RAPGEF4: variants seen among roughly 807,000 people sequenced by gnomAD.
RAPGEF4 encodes RAP guanine-nucleotide-exchange factor (GEF) 4.
RAPGEF4 carries 66 observed loss-of-function variants against 147.9 expected under a neutral mutation model. That is an observed-to-expected ratio of 0.45 (90% CI 0.37 to 0.55). The LOEUF is 0.55. Among genes scored for constraint, RAPGEF4 ranks in the 20% least tolerant of loss-of-function variants. The probability of loss-of-function intolerance (pLI) is 0.00; values close to 1 mark genes in which losing one functional copy is unlikely to be tolerated. For missense variants in RAPGEF4, 1,071 were observed against 1,257.3 expected (o/e 0.85, Z 2.24); for synonymous variants, 419 against 442.7 (o/e 0.95, Z 0.67).
At chr2:172,868,350 G>C (rs1372030523) in intron 4 of RAPGEF4, among the ~76,000 whole-genome samples, 1 of 152,184 alleles carries the variant, frequency 6.6e-6, no homozygotes, top group Non-Finnish European at 1.5e-5. Context: ...ACATCCTAAT[G>C]CTTCTGGAAA....
chr2:172,956,821 C>T (rs1019810161), intron 6 of RAPGEF4, among the ~76,000 whole-genome samples: 2 of 152,190 alleles, frequency 1.3e-5, no homozygotes, highest in African/African-American at 4.8e-5. Context: ...ATGCAGGGTG[C>T]TCATATGTAA....
chr2:172,928,182 C>T (rs1322736783), intron 6 of RAPGEF4: 1 of 455,380 alleles, frequency 2.2e-6, no homozygotes, highest in South Asian at 1.6e-5. Flanking sequence ...CCAAGAACAA[C>T]TTCAGCTCTC....
chr2:172,761,343 T>C (rs1696316173), intron 1 of RAPGEF4, among the ~76,000 whole-genome samples: 1 of 152,062 alleles, frequency 6.6e-6, no homozygotes, highest in African/African-American at 2.4e-5. Context: ...TAGGAAAATG[T>C]TTGTTTGAGA....
chr2:172,974,853 C>T (rs945072047), intron 10 of RAPGEF4, among the ~76,000 whole-genome samples: 1 of 152,092 alleles, frequency 6.6e-6, no homozygotes, highest in African/African-American at 2.4e-5. Flanking sequence ...TTATTCTTTC[C>T]TGAGGGAGTT....
At chr2:172,823,107 G>A (rs987112660) in intron 4 of RAPGEF4, among the ~76,000 whole-genome samples, 4 of 152,218 alleles carry the variant, frequency 2.6e-5, no homozygotes, top group African/African-American at 4.8e-5. Flanking sequence ...GAAGAGATCC[G>A]TTTCCACCAA....
Position 173,030,291 on chromosome 2 carries a change from T to C in RAPGEF4, c.2649+37T>C, listed in dbSNP as rs114719997. The C allele has an allele frequency of 1.6e-3, 2,421 of 1,519,148 alleles. 29 individuals carry two copies. In the African/African-American group the frequency reaches 0.025, roughly 16 times the overall value. The allele number at this position is 1,519,148 out of a possible 1,614,324, so 94.1% of individuals were successfully genotyped here. On this transcript the variant is annotated intron_variant, in intron 26 of 30. Transcript: ENST00000397081. Reference sequence around the variant, plus strand: ...CTAGGATCCAGCTGTGACTTTTGCCTTAGGAATAAAAACACAGGCTCACCA... The same window carrying C: ...CTAGGATCCAGCTGTGACTTTTGCCCTAGGAATAAAAACACAGGCTCACCA...
chr2:172,810,018 C>T (rs1687877211), intron 3 of RAPGEF4, among the ~76,000 whole-genome samples: 1 of 152,176 alleles, frequency 6.6e-6, no homozygotes, highest in Non-Finnish European at 1.5e-5. Context: ...TCAATAAATA[C>T]ACAGATTGGC....
At position 172,996,389 on chromosome 2, in the gene RAPGEF4, A is replaced by C. The variant is rs574269541; in HGVS notation, c.1491-77A>C. The C allele has an allele frequency of 3.4e-4, 280 of 813,808 alleles. 2 individuals are homozygous for C. The South Asian group carries it at 4.0e-3, about 12-fold the overall frequency. The allele number at this position is 813,808 out of a possible 1,614,324, so 50.4% of individuals were successfully genotyped here. ...TGGGATCTCAAATTAAAAAAAAAAA[A>C]AACTTAGATAAGTAAAAGTTTTTTT... On this transcript the variant is annotated intron_variant, in intron 15 of 30. Coordinates refer to ENST00000397081, the MANE Select transcript of RAPGEF4 (RefSeq NM_007023.4).
At chr2:172,909,419 C>T (rs1699900981) in intron 4 of RAPGEF4, among the ~76,000 whole-genome samples, 2 of 152,212 alleles carry the variant, frequency 1.3e-5, no homozygotes, top group African/African-American at 4.8e-5. Context: ...AAAGACATAG[C>T]TCTTTCCCAA....
chr2:172,986,330 C>CT (rs991030723), intron 12 of RAPGEF4, among the ~76,000 whole-genome samples: 1 of 152,216 alleles, frequency 6.6e-6, no homozygotes, highest in Non-Finnish European at 1.5e-5. Flanking sequence ...CCTGTTAACT[C>CT]TTTAGAGACA....
chr2:172,936,345 C>T (rs988798311), intron 6 of RAPGEF4, among the ~76,000 whole-genome samples: 1 of 152,096 alleles, frequency 6.6e-6, no homozygotes, highest in African/African-American at 2.4e-5. Flanking sequence ...CCAGCCTGGA[C>T]AATAAGTGAG....
chr2:172,777,775 G>A (rs1033169458), intron 1 of RAPGEF4, among the ~76,000 whole-genome samples: 2 of 152,092 alleles, frequency 1.3e-5, no homozygotes, highest in African/African-American at 2.4e-5. Context: ...AAATATCAAG[G>A]CGATTGTGTA....
At chr2:172,788,819 AG>A (rs1559041835) in intron 1 of RAPGEF4, among the ~76,000 whole-genome samples, 2 of 152,230 alleles carry the variant, frequency 1.3e-5, no homozygotes, top group Admixed American at 1.3e-4. Flanking sequence ...ACTTGAACCC[AG>A]GGGGTCGAGG....
intron 4 of RAPGEF4, among the ~76,000 whole-genome samples, chr2:172,909,393 T>C (rs1216031949): frequency 6.6e-6 from 1 of 152,234 alleles, no homozygotes; most frequent in African/African-American, 2.4e-5. Flanking sequence ...CTCTCTATCA[T>C]TGTAGGACTT....
At chr2:173,047,925 C>T (rs770749159) in intron 29 of RAPGEF4, among the ~76,000 whole-genome samples, 3 of 152,200 alleles carry the variant, frequency 2.0e-5, no homozygotes, top group Non-Finnish European at 4.4e-5. Context: ...ATCCACCCGC[C>T]TCGGCCTCCC....
At chr2:172,822,583 A>G (rs16860945) in intron 4 of RAPGEF4, among the ~76,000 whole-genome samples, 2,216 of 152,384 alleles carry the variant, frequency 0.015, 54 homozygotes, top group African/African-American at 0.051. Flanking sequence ...AATGCCAGGA[A>G]TGCCCAGATG....
chr2:172,768,943 T>C (rs1397875562), intron 1 of RAPGEF4, among the ~76,000 whole-genome samples: 2 of 152,238 alleles, frequency 1.3e-5, no homozygotes, highest in Non-Finnish European at 2.9e-5. Flanking sequence ...GAGAACTGAA[T>C]ACCATCATGA....
rs552831220 is a variant in RAPGEF4, at chr2:172,999,678, T to A, written c.1580-1588T>A. 2.0e-5 allele frequency among the ~76,000 whole-genome samples: 3 copies of A among 152,352 alleles called. No homozygotes were observed. The South Asian group carries it at 6.2e-4, about 32-fold the overall frequency. On this transcript the variant is annotated intron_variant, in intron 16 of 30. Transcript: ENST00000397081. ...AACCTATAAATTAGATTTCCAGTGTTCATGTTTTTGATGAACTTACATTGG... is the reference window on the plus strand; with the variant it reads ...AACCTATAAATTAGATTTCCAGTGTACATGTTTTTGATGAACTTACATTGG...
At position 172,900,358 on chromosome 2, in the gene RAPGEF4, G is replaced by A. The variant is rs115365445; in HGVS notation, c.445-17444G>A. Among the ~76,000 whole-genome samples, 1,119 of 152,234 alleles carry A rather than the reference G, an allele frequency of 7.4e-3. 13 individuals are homozygous for A. Among genetic ancestry groups the A allele is most frequent in the African/African-American group, 0.025 (1,045 of 41,542 alleles). ...GGGTTCAAGGGATGCTCCCACCTCA[G>A]CTGCCCGAGTAGCTGGGACTACAGG... On this transcript the variant is annotated intron_variant, in intron 4 of 30. Coordinates refer to ENST00000397081, the MANE Select transcript of RAPGEF4 (RefSeq NM_007023.4).
Sources: gnomAD v4.1 joint callset for allele counts (sites outside exome capture counted in the v4.1 genomes callset) on GRCh38, gnomAD v4.1.1 for gene constraint, MANE v1.5 for transcripts, NCBI Gene and HGNC (gene_info 2026-07-23, HGNC 2026-07-21) for gene names.